The following PTK7 variants were observed in gnomAD, a reference collection of about 807,000 sequenced individuals.
PTK7 encodes protein tyrosine kinase 7 (inactive).
In PTK7, 39 loss-of-function variants were observed where a neutral mutation model predicts 116.6. That is an observed-to-expected ratio of 0.33 (90% CI 0.26 to 0.44). PTK7 has a LOEUF of 0.44. Among genes scored for constraint, PTK7 ranks in the 20% least tolerant of loss-of-function variants. The pLI is 1.00. For synonymous variants in PTK7, 546 were observed against 563.6 expected (o/e 0.97, Z 0.44); for missense variants, 1,169 against 1,425.6 (o/e 0.82, Z 2.90).
At position 43,129,845 on chromosome 6, in the gene PTK7, G is replaced by A; in HGVS notation, c.470+16G>A. ...GGCACCCTCGGTAAGGAGTCAGGGA[G>A]GTGGGGATGAAGAGGGTTATTCCGG... On this transcript the variant is annotated intron_variant, in intron 3 of 19. Coordinates refer to ENST00000230419, the MANE Select transcript of PTK7 (RefSeq NM_002821.5). This position sits in a 1 kb window ranked among gnomAD's most constrained non-coding sequence, Gnocchi z 4.5. 1 of 1,610,362 alleles carries A rather than the reference G, an allele frequency of 6.2e-7. No homozygotes were observed. The highest frequency in any genetic ancestry group is 1.1e-5 in the South Asian group (1 of 90,992).
chr6:43,117,230 A>T (rs542862032), intron 1 of PTK7, among the ~76,000 whole-genome samples: 9 of 152,332 alleles, frequency 5.9e-5, no homozygotes, highest in Middle Eastern at 3.4e-3. Flanking sequence ...TGGGGAGAAG[A>T]GCAGGATGTA....
intron 17 of PTK7, among the ~76,000 whole-genome samples, chr6:43,149,891 G>C (rs1481342749): frequency 6.6e-6 from 1 of 152,146 alleles, no homozygotes; most frequent in African/African-American, 2.4e-5. Context: ...TAGGGAGGTG[G>C]AGTGGTAGGC....
chr6:43,096,162 C>T (rs1447770289), intron 1 of PTK7, among the ~76,000 whole-genome samples: 1 of 152,164 alleles, frequency 6.6e-6, no homozygotes, highest in Non-Finnish European at 1.5e-5. Context: ...CTGTTCTGGG[C>T]CAGGCCTGCT....
intron 1 of PTK7, among the ~76,000 whole-genome samples, chr6:43,116,362 G>T (rs1489756626): frequency 6.6e-6 from 1 of 152,194 alleles, no homozygotes; most frequent in African/African-American, 2.4e-5. Context: ...ACATTGCGTC[G>T]TGTCCCCGCA....
rs1417962083 is a variant in PTK7 at position 43,158,880 on chromosome 6, A to G, written c.2785A>G (p.Lys929Glu). Residue 929 changes from lysine to glutamate, a missense_variant, in exon 18 of 20, where the codon AAG (lysine) becomes GAG (glutamate). Coordinates refer to ENST00000230419, the MANE Select transcript of PTK7 (RefSeq NM_002821.5). ...EHLSNNRFVH[K>E]DLAARNCLVS... ...CCTGTCCAACAACCGCTTTGTGCAT[A>G]AGGACTTGGCTGCGCGTAACTGCCT... 6.2e-7 allele frequency: 1 copy of G among 1,614,184 alleles called. No individual in the cohort carries two copies. Among genetic ancestry groups the G allele is most frequent in the Admixed American group, 1.7e-5 (1 of 60,024 alleles).
Position 43,145,299 on chromosome 6 carries a change from A to T in PTK7, c.2507A>T (p.Asp836Val). The change falls in exon 16 of 20, where the codon GAT (aspartate) becomes GTT (valine). Residue 836 changes from aspartate (D) to valine (V), a missense_variant. Coordinates refer to ENST00000230419, the MANE Select transcript of PTK7 (RefSeq NM_002821.5). The surrounding 1 kb of genome is among the most constrained non-coding windows in gnomAD (Gnocchi z 4.8). Reference protein sequence around the residue: ...LVLVKSLQSKDEQQQLDFRRE... With the variant: ...LVLVKSLQSKVEQQQLDFRRE... ...CTTGTGAAGAGCCTGCAGAGCAAGG[A>T]TGAGCAGCAGCAGCTGGACTTCCGG... 6.2e-7 allele frequency: 1 copy of T among 1,614,092 alleles called. No individual in the cohort carries two copies. The highest frequency in any genetic ancestry group is 8.5e-7 in the Non-Finnish European group (1 of 1,179,982).
In PTK7 at chr6:43,145,223, T is replaced by C. The variant is rs747018997; in HGVS notation, c.2431T>C (p.Phe811Leu). Residue 811 changes from phenylalanine to leucine, a missense_variant, in exon 16 of 20, where the codon TTC becomes CTC. By Grantham distance (22) the Phe-to-Leu change is conservative. Transcript: ENST00000230419. This position sits in a 1 kb window ranked among gnomAD's most constrained non-coding sequence, Gnocchi z 4.8. ...AGGGAAGAGTGAGTTTGGGGAGGTG[T>C]TCCTGGCAAAGGCTCAGGGCTTGGA... is the stretch of plus-strand genomic sequence containing the variant. The part of the protein sequence containing the change: ...TLGKSEFGEV[F>L]LAKAQGLEEG... The C allele has an allele frequency of 6.2e-6, 10 of 1,611,504 alleles. No homozygotes were observed. In the South Asian group the frequency reaches 8.8e-5, roughly 14 times the overall value.
At chr6:43,098,979 A>G (rs1370366009) in intron 1 of PTK7, among the ~76,000 whole-genome samples, 1 of 152,010 alleles carries the variant, frequency 6.6e-6, no homozygotes, top group African/African-American at 2.4e-5. Context: ...AGATTAATTT[A>G]TTTTCATTTA....
In PTK7 at chr6:43,129,827, T is replaced by A. The variant is rs761075920; in HGVS notation, c.468T>A (p.Pro156=). The part of the protein sequence containing the change: ...VTLRCHIDGH[P]RPTYQWFRDG... ...TTCGTTGCCACATTGATGGGCACCC[T>A]CGGTAAGGAGTCAGGGAGGTGGGGA... Residue 156 remains proline, a splice_region_variant and synonymous_variant, in exon 3 of 20, where the codon CCT becomes CCA. Coordinates refer to ENST00000230419, the MANE Select transcript of PTK7 (RefSeq NM_002821.5). The surrounding 1 kb of genome is among the most constrained non-coding windows in gnomAD (Gnocchi z 4.5). 2.9e-5 allele frequency: 47 copies of A among 1,613,476 alleles called. No individual in the cohort carries two copies. Among genetic ancestry groups the A allele is most frequent in the Non-Finnish European group, 3.5e-5 (41 of 1,179,598 alleles).
intron 1 of PTK7, among the ~76,000 whole-genome samples, chr6:43,124,697 A>T (rs891833869): frequency 6.6e-6 from 1 of 152,128 alleles, no homozygotes; most frequent in African/African-American, 2.4e-5. Flanking sequence ...AACAACAAAC[A>T]ACAGGCCAAC....
At chr6:43,157,365 T>TATATATATGTA (rs1554162298) in intron 17 of PTK7, among the ~76,000 whole-genome samples, 1 of 26,908 alleles carries the variant, frequency 3.7e-5, no homozygotes, top group Non-Finnish European at 6.8e-5. Context: ...TATATATATA[T>TATATATATGTA]TTTTTTTTTT....
intron 1 of PTK7, among the ~76,000 whole-genome samples, chr6:43,122,587 G>A (rs1046196847): frequency 3.3e-5 from 5 of 151,412 alleles, no homozygotes; most frequent in African/African-American, 7.3e-5. Flanking sequence ...GACCCAGGCC[G>A]TGGAGCCGGG....
At position 43,128,967 on chromosome 6, in the gene PTK7, G is replaced by C; in HGVS notation, c.80-10G>C. ...CCCTGACCCTGCCTCTCCCCTGTTT[G>C]CATCTACAGGTACCCAGACAGCCAT... On this transcript the variant is annotated splice_polypyrimidine_tract_variant and intron_variant, in intron 1 of 19. Transcript: ENST00000230419. The C allele has an allele frequency of 1.3e-6, 2 of 1,594,104 alleles. No individual in the cohort carries two copies. Among genetic ancestry groups the C allele is most frequent in the Non-Finnish European group, 1.7e-6 (2 of 1,167,826 alleles).
chr6:43,127,336 C>T (rs966898929), intron 1 of PTK7, among the ~76,000 whole-genome samples: 4 of 152,216 alleles, frequency 2.6e-5, no homozygotes, highest in African/African-American at 9.6e-5. Flanking sequence ...AAGTCGCCCA[C>T]GCGGGCTAGG....
At chr6:43,142,138 G>C in intron 12 of PTK7, 34 bp from the exon 13 acceptor site, 1 of 1,611,804 alleles carries the variant, frequency 6.2e-7, no homozygotes, top group Non-Finnish European at 8.5e-7. Flanking sequence ...CCCTCCCTGC[G>C]AGCTGGCCAG....
At chr6:43,130,128 T>C (rs1769564455) in intron 3 of PTK7, 102 bp from the exon 4 acceptor site, 7 of 1,239,856 alleles carry the variant, frequency 5.6e-6, no homozygotes, top group Non-Finnish European at 7.8e-6. Context: ...CGTTTCTCCA[T>C]GTATAAACTG....
chr6:43,143,824 C>T lies in PTK7; in HGVS notation c.2251+204C>T, dbSNP rs1010427134. The stretch of plus-strand genomic sequence containing the variant: ...TGAGCAACCTGGCTTGAGACTTCTT[C>T]ATTGGAGCCCCTTGGACCAGCTTCC... On this transcript the variant is annotated intron_variant, in intron 14 of 19. Coordinates refer to ENST00000230419, the MANE Select transcript of PTK7 (RefSeq NM_002821.5). This position sits in a 1 kb window ranked among gnomAD's most constrained non-coding sequence, Gnocchi z 4.2. 6.6e-6 allele frequency among the ~76,000 whole-genome samples: 1 copy of T among 152,240 alleles called. No individual in the cohort carries two copies. Among genetic ancestry groups the T allele is most frequent in the African/African-American group, 2.4e-5 (1 of 41,456 alleles).
In PTK7 at chr6:43,161,368, A is replaced by G. The variant is rs1352828108; in HGVS notation, c.*487A>G. 3 of 159,254 alleles carry G rather than the reference A, an allele frequency of 1.9e-5. No homozygotes were observed. The highest frequency in any genetic ancestry group is 1.8e-4 in the Admixed American group (3 of 16,864). The allele number at this position is 159,254 out of a possible 1,614,324, so 9.9% of individuals were successfully genotyped here. ...GGTCTAGACCAGGATTATAGAGGAC[A>G]CAGCAAGTGAGTCCTCCCCACTCTG... On this transcript the variant is annotated 3_prime_UTR_variant, in exon 20 of 20. Transcript: ENST00000230419.
intron 7 of PTK7, among the ~76,000 whole-genome samples, chr6:43,137,658 C>A (rs901380766): frequency 2.7e-4 from 41 of 152,156 alleles, no homozygotes; most frequent in Non-Finnish European, 5.7e-4. Flanking sequence ...TAAAACAGAA[C>A]AGATTTCTGA....
Sources: gnomAD v4.1 joint callset for allele counts (sites outside exome capture counted in the v4.1 genomes callset) on GRCh38, gnomAD v4.1.1 for gene constraint, Gnocchi (gnomAD v3.1) non-coding constraint, MANE v1.5 for transcripts, NCBI Gene and HGNC (gene_info 2026-07-23, HGNC 2026-07-21) for gene names.